TRAF3: variants seen among roughly 807,000 people sequenced by gnomAD.
TRAF3 encodes TNF receptor-associated factor 3.
Under a neutral mutation model 62.3 loss-of-function variants are expected in TRAF3, and 13 were observed. The observed-to-expected ratio is 0.21, with a 90% CI of 0.14 to 0.33. The LOEUF (loss-of-function observed/expected upper bound fraction) is 0.33. TRAF3 is among the 10% of genes least tolerant of loss of function. TRAF3 has a pLI of 1.00. For synonymous variants in TRAF3, 269 were observed against 283.4 expected, an observed-to-expected ratio of 0.95 and a Z score of 0.51; for missense variants, 440 against 741.8, an observed-to-expected ratio of 0.59 and a Z score of 4.73.
intron 2 of TRAF3, among the ~76,000 whole-genome samples, chr14:102,839,857 A>G (rs1886270398): frequency 6.6e-6 from 1 of 152,202 alleles, no homozygotes; most frequent in South Asian, 2.1e-4. Flanking sequence ...CCCTACTGTT[A>G]GCTGCAAATA....
intron 10 of TRAF3, among the ~76,000 whole-genome samples, chr14:102,900,329 C>T (rs865942329): frequency 1.3e-5 from 2 of 152,026 alleles, no homozygotes; most frequent in African/African-American, 2.4e-5. Flanking sequence ...GGCGAAACCC[C>T]GTCTCTACTA....
At chr14:102,824,265 T>C (rs931293209) in intron 1 of TRAF3, among the ~76,000 whole-genome samples, 1 of 152,240 alleles carries the variant, frequency 6.6e-6, no homozygotes, top group Non-Finnish European at 1.5e-5. Context: ...TTAAAGCCCC[T>C]GAGACCCTCT....
chr14:102,828,333 T>G (rs1169213202), intron 1 of TRAF3, among the ~76,000 whole-genome samples: 1 of 152,206 alleles, frequency 6.6e-6, no homozygotes, highest in Non-Finnish European at 1.5e-5. Flanking sequence ...GTGAAGCCTT[T>G]TGCTCCCCTT....
At chr14:102,834,069 G>T (rs895864351) in intron 2 of TRAF3, among the ~76,000 whole-genome samples, 2 of 151,980 alleles carry the variant, frequency 1.3e-5, no homozygotes, top group Admixed American at 6.6e-5. Flanking sequence ...GCAGATTACC[G>T]AGGACCTTCT....
intron 1 of TRAF3, among the ~76,000 whole-genome samples, chr14:102,784,645 A>G (rs1897410683): frequency 1.3e-5 from 2 of 152,202 alleles, no homozygotes; most frequent in African/African-American, 4.8e-5. Flanking sequence ...GTCAGATAGG[A>G]TGCCGTCTGA....
At chr14:102,779,770 C>G (rs558600853) in intron 1 of TRAF3, among the ~76,000 whole-genome samples, 1 of 152,326 alleles carries the variant, frequency 6.6e-6, no homozygotes, top group South Asian at 2.1e-4. Context: ...CTCAAGCAAA[C>G]AAAGGAAATT....
At chr14:102,848,753 C>A (rs1179365622) in intron 2 of TRAF3, among the ~76,000 whole-genome samples, 1 of 152,124 alleles carries the variant, frequency 6.6e-6, no homozygotes, top group Non-Finnish European at 1.5e-5. Context: ...GTTGGAAAAT[C>A]CAGGCTGATT....
chr14:102,882,669 C>T (rs1485868074), intron 6 of TRAF3, among the ~76,000 whole-genome samples: 8 of 151,468 alleles, frequency 5.3e-5, no homozygotes, highest in Admixed American at 1.3e-4. Context: ...AGACCTAAAG[C>T]CCAGGTCATT....
At chr14:102,892,113 TG>T (rs1281545759) in intron 9 of TRAF3, among the ~76,000 whole-genome samples, 1 of 149,588 alleles carries the variant, frequency 6.7e-6, no homozygotes, top group Non-Finnish European at 1.5e-5. Context: ...TGGAATGCAG[TG>T]GTGCGATCTT....
At position 102,789,594 on chromosome 14, in the gene TRAF3, ATGTGTG is replaced by A. The variant is rs56383846; in HGVS notation, c.-157+11944_-157+11949del. Among the ~76,000 whole-genome samples, 87 of 148,780 alleles carry A rather than the reference ATGTGTG, an allele frequency of 5.8e-4. 1 individual carries two copies. Among genetic ancestry groups the A allele is most frequent in the East Asian group, 1.2e-3 (6 of 5,074 alleles). The stretch of plus-strand genomic sequence containing the variant: ...ACACTTATGAACTACAAAAGGATAT[ATGTGTG>A]TGTGTGTGTGTGTGTGTGTGTGTGG... On this transcript the variant is annotated intron_variant, in intron 1 of 11. Coordinates refer to ENST00000392745, the MANE Select transcript of TRAF3 (RefSeq NM_145725.3).
chr14:102,795,659 TAGCCCTTGTTAC>T (rs1471119719), intron 1 of TRAF3, among the ~76,000 whole-genome samples: 1 of 151,632 alleles, frequency 6.6e-6, no homozygotes, highest in Admixed American at 6.6e-5. Flanking sequence ...ATAAGTCCCA[TAGCCCTTGTTAC>T]AGTCTTTTGT....
At chr14:102,797,152 C>G (rs8022770) in intron 1 of TRAF3, among the ~76,000 whole-genome samples, 31,267 of 152,180 alleles carry the variant, frequency 0.21, 3,562 homozygotes, top group East Asian at 0.38. Flanking sequence ...TGTTCTGCAT[C>G]TTAGAAAATA....
chr14:102,894,095 G>T (rs1211491622), intron 9 of TRAF3, among the ~76,000 whole-genome samples: 3 of 152,142 alleles, frequency 2.0e-5, no homozygotes, highest in African/African-American at 7.2e-5. Flanking sequence ...GGGAGGCCGA[G>T]GCGGGCAGAT....
chr14:102,896,881 T>A (rs1221755770), intron 9 of TRAF3, among the ~76,000 whole-genome samples: 1 of 152,120 alleles, frequency 6.6e-6, no homozygotes, highest in African/African-American at 2.4e-5. Flanking sequence ...CTGGGCAACA[T>A]AGCAAGACCC....
chr14:102,879,770 CT>C (rs1888939938), intron 6 of TRAF3, among the ~76,000 whole-genome samples: 1 of 151,968 alleles, frequency 6.6e-6, no homozygotes, highest in African/African-American at 2.4e-5. Context: ...CCATGTCTTT[CT>C]TCCATTGTGA....
chr14:102,797,502 C>G (rs762688281), intron 1 of TRAF3, among the ~76,000 whole-genome samples: 2 of 152,078 alleles, frequency 1.3e-5, no homozygotes, highest in Admixed American at 6.6e-5. Flanking sequence ...TGGCGTCCCT[C>G]CTGCAGAAAC....
chr14:102,846,666 A>AAAT (rs1491218186), intron 2 of TRAF3, among the ~76,000 whole-genome samples: 2 of 147,804 alleles, frequency 1.4e-5, no homozygotes, highest in East Asian at 3.9e-4. Flanking sequence ...AAAAAAAAAA[A>AAAT]TTTTCCGGAC....
intron 1 of TRAF3, among the ~76,000 whole-genome samples, chr14:102,798,788 T>C (rs569017760): frequency 1.3e-5 from 2 of 152,302 alleles, no homozygotes; most frequent in South Asian, 4.1e-4. Flanking sequence ...CAGACCTTTG[T>C]AAAGCACTTC....
chr14:102,779,457 T>C (rs904692458), intron 1 of TRAF3, among the ~76,000 whole-genome samples: 2 of 152,178 alleles, frequency 1.3e-5, no homozygotes, highest in Admixed American at 1.3e-4. Flanking sequence ...GTTGTTTCTG[T>C]TAATACCATC....
Sources: gnomAD v4.1 joint callset for allele counts (sites outside exome capture counted in the v4.1 genomes callset) on GRCh38, gnomAD v4.1.1 for gene constraint, MANE v1.5 for transcripts, NCBI Gene and HGNC (gene_info 2026-07-23, HGNC 2026-07-21) for gene names.